RIMBP2: variants seen among roughly 807,000 people sequenced by gnomAD.
RIMBP2 encodes RIMS binding protein 2.
In RIMBP2, 48 loss-of-function variants were observed where a neutral mutation model predicts 118.6. The ratio of observed to expected loss-of-function variants is 0.40; its 90% CI spans 0.32 to 0.51. The LOEUF (loss-of-function observed/expected upper bound fraction) is 0.51. RIMBP2 is among the 20% of genes least tolerant of loss of function. The probability of loss-of-function intolerance (pLI) is 0.41; values close to 1 mark genes in which losing one functional copy is unlikely to be tolerated. For missense variants in RIMBP2, 1,551 were observed against 1,768.3 expected, an observed-to-expected ratio of 0.88 and a Z score of 2.20; for synonymous variants, 762 against 742.9, an observed-to-expected ratio of 1.03 and a Z score of -0.42.
At chr12:130,663,839 C>T (rs927456218) in intron 1 of RIMBP2, among the ~76,000 whole-genome samples, 1 of 151,716 alleles carries the variant, frequency 6.6e-6, no homozygotes, top group Non-Finnish European at 1.5e-5. Context: ...TATGCAAATA[C>T]ATATGCACAG....
intron 2 of RIMBP2, among the ~76,000 whole-genome samples, chr12:130,596,853 TG>T (rs2059590679): frequency 6.6e-6 from 1 of 152,222 alleles, no homozygotes; most frequent in Non-Finnish European, 1.5e-5. Context: ...TCACATTAAA[TG>T]GATGAATTTC....
intron 6 of RIMBP2, among the ~76,000 whole-genome samples, chr12:130,467,874 T>C (rs745432719): frequency 6.6e-6 from 1 of 152,198 alleles, no homozygotes; most frequent in Non-Finnish European, 1.5e-5. Context: ...GTCCTTAACA[T>C]TGGCCATGTC....
intron 1 of RIMBP2, among the ~76,000 whole-genome samples, chr12:130,641,076 A>G (rs139594219): frequency 9.9e-4 from 151 of 152,338 alleles, no homozygotes; most frequent in African/African-American, 3.6e-3. Flanking sequence ...CAGTCTTGCC[A>G]TCATTTTAAC....
At chr12:130,472,866 T>C (rs566108585) in intron 5 of RIMBP2, among the ~76,000 whole-genome samples, 1 of 152,288 alleles carries the variant, frequency 6.6e-6, no homozygotes, top group African/African-American at 2.4e-5. Context: ...ACACAGCATG[T>C]TAATTACACC....
intron 18 of RIMBP2, 23 bp downstream of exon 18, chr12:130,414,102 G>T (rs201126828): frequency 1.9e-6 from 3 of 1,613,128 alleles, no homozygotes; most frequent in Admixed American, 3.3e-5. Context: ...TGATGAAGCC[G>T]CCCGCAGGCA....
In RIMBP2 at chr12:130,543,518, G is replaced by A. The variant is rs552896614; in HGVS notation, c.-216-25601C>T. 1.2e-4 allele frequency among the ~76,000 whole-genome samples: 19 copies of A among 152,330 alleles called. No individual in the cohort carries two copies. In the South Asian group the frequency reaches 3.3e-3, roughly 27 times the overall value. The stretch of plus-strand genomic sequence containing the variant: ...AACAGAAAGGGTAGGTAGACCAGCA[G>A]GCTGAAGAGGCAGTGAGCTTGGGGA... On this transcript the variant is annotated intron_variant, in intron 2 of 22. Coordinates refer to ENST00000690449, the MANE Select transcript of RIMBP2 (RefSeq NM_001393629.1).
intron 1 of RIMBP2, among the ~76,000 whole-genome samples, chr12:130,668,819 G>T (rs1386634292): frequency 6.6e-6 from 1 of 152,170 alleles, no homozygotes; most frequent in Non-Finnish European, 1.5e-5. Context: ...CTATGCCCTG[G>T]CTCCCCAGAT....
chr12:130,614,758 G>A (rs2060793896), intron 2 of RIMBP2, among the ~76,000 whole-genome samples: 1 of 151,920 alleles, frequency 6.6e-6, no homozygotes, highest in Non-Finnish European at 1.5e-5. Context: ...ATGAGGAAAT[G>A]CAAAATCACA....
At chr12:130,569,718 G>A (rs1184709279) in intron 2 of RIMBP2, among the ~76,000 whole-genome samples, 2 of 152,122 alleles carry the variant, frequency 1.3e-5, no homozygotes, top group African/African-American at 2.4e-5. Context: ...TGTGCAAGAC[G>A]CCTGTTCCCT....
rs141775673 is a variant in RIMBP2 at position 130,398,187 on chromosome 12, G to A, written c.3901-638C>T. ...GGTAGTATTTAAATATACGTTAAGC[G>A]CTTAATAGTGCTTCAGAGGGGTAGA... On this transcript the variant is annotated intron_variant, in intron 22 of 22. Transcript: ENST00000690449. 689 of 152,298 alleles carry A rather than the reference G, an allele frequency of 4.5e-3. 2 individuals are homozygous for A. Among genetic ancestry groups the A allele is most frequent in the South Asian group, 7.9e-3 (38 of 4,824 alleles). The allele number at this position is 152,298 out of a possible 1,614,324, so 9.4% of individuals were successfully genotyped here. A position where few individuals can be genotyped will look rare whatever the true frequency, so the allele number is the denominator to read the frequency against.
chr12:130,522,237 G>A (rs989516065), intron 2 of RIMBP2, among the ~76,000 whole-genome samples: 1 of 152,230 alleles, frequency 6.6e-6, no homozygotes, highest in Non-Finnish European at 1.5e-5. Context: ...TGGGCAAAAA[G>A]TGAATTCTAA....
intron 17 of RIMBP2, among the ~76,000 whole-genome samples, chr12:130,421,355 T>C (rs1243770039): frequency 2.0e-5 from 3 of 152,340 alleles, no homozygotes; most frequent in African/African-American, 4.8e-5. Flanking sequence ...TAAGGATCTT[T>C]AACATTGCAT....
intron 4 of RIMBP2, among the ~76,000 whole-genome samples, chr12:130,496,634 T>C (rs953473902): frequency 6.6e-6 from 1 of 150,478 alleles, no homozygotes; most frequent in Non-Finnish European, 1.5e-5. Flanking sequence ...CCCCCTTCTA[T>C]GTCGGGCCCC....
chr12:130,656,638 C>T (rs953518267), intron 1 of RIMBP2, among the ~76,000 whole-genome samples: 7 of 152,218 alleles, frequency 4.6e-5, no homozygotes, highest in East Asian at 3.9e-4. Context: ...GCGACCTCCC[C>T]GCGTCTTCAC....
intron 3 of RIMBP2, among the ~76,000 whole-genome samples, chr12:130,516,791 T>C (rs571211741): frequency 3.9e-5 from 6 of 152,248 alleles, no homozygotes; most frequent in Non-Finnish European, 8.8e-5. Flanking sequence ...GTTTTATTTA[T>C]GGAAGGCATT....
intron 14 of RIMBP2, among the ~76,000 whole-genome samples, chr12:130,430,891 A>C (rs2077109864): frequency 6.6e-6 from 1 of 152,126 alleles, no homozygotes; most frequent in South Asian, 2.1e-4. Flanking sequence ...TTGGCCTCCC[A>C]AAGTGCTGGG....
At chr12:130,693,526 G>A (rs2065431721) in intron 1 of RIMBP2, among the ~76,000 whole-genome samples, 1 of 152,160 alleles carries the variant, frequency 6.6e-6, no homozygotes, top group African/African-American at 2.4e-5. Context: ...CCACTTCTAT[G>A]CCCACCGTGA....
At chr12:130,535,762 T>TACATATACATATAC (rs2054008532) in intron 2 of RIMBP2, among the ~76,000 whole-genome samples, 2 of 90,844 alleles carry the variant, frequency 2.2e-5, no homozygotes, top group African/African-American at 8.2e-5. Context: ...TATATATATA[T>TACATATACATATAC]ATATATATAT....
intron 1 of RIMBP2, among the ~76,000 whole-genome samples, chr12:130,657,428 C>G (rs988741209): frequency 6.6e-6 from 1 of 152,188 alleles, no homozygotes; most frequent in African/African-American, 2.4e-5. Flanking sequence ...GGCTCCCAGC[C>G]GGAAGCAGGC....
Sources: allele counts gnomAD v4.1 joint callset (sites outside exome capture counted in the v4.1 genomes callset), GRCh38; gene constraint gnomAD v4.1.1; transcripts MANE v1.5; gene names NCBI Gene and HGNC (gene_info 2026-07-23, HGNC 2026-07-21).